Variants in ITGA3 observed in about 807,000 individuals in gnomAD.
ITGA3 encodes integrin subunit alpha 3, also known as integrin alpha-3.
ITGA3 carries 70 observed loss-of-function variants against 131.1 expected under a neutral mutation model. That is an observed-to-expected ratio of 0.53 (90% CI 0.44 to 0.65). The LOEUF (loss-of-function observed/expected upper bound fraction) is 0.65, where lower values mean the gene tolerates loss of function less well. Among genes scored for constraint, ITGA3 ranks in the 30% least tolerant of loss-of-function variants. The pLI, the probability that ITGA3 is intolerant of heterozygous loss-of-function variation, is 0.00. For synonymous variants in ITGA3, 537 were observed against 571.6 expected, an observed-to-expected ratio of 0.94 and a Z score of 0.86; for missense variants, 1,098 against 1,388.6, an observed-to-expected ratio of 0.79 and a Z score of 3.33.
At chr17:50,071,785 A>C in intron 6 of ITGA3, 1 of 619,056 alleles carries the variant, frequency 1.6e-6, no homozygotes, top group Non-Finnish European at 2.8e-6. Context: ...TGGCGTCTCC[A>C]TGACATATGT....
Position 50,089,266 on chromosome 17 carries a change from C to A in ITGA3, c.*188C>A, listed in dbSNP as rs377598451. The stretch of plus-strand genomic sequence containing the variant: ...GCAGACTCGGGACCAATACTACTGA[C>A]GTCCTCCCTGATCCCACCCCCTCCT... On this transcript the variant is annotated 3_prime_UTR_variant, in exon 26 of 26. Transcript: ENST00000320031. 4 of 1,612,414 alleles carry A rather than the reference C, an allele frequency of 2.5e-6. No individual in the cohort carries two copies. In the African/African-American group the frequency reaches 5.3e-5, roughly 22 times the overall value.
At chr17:50,068,408 G>T (rs1908437339) in intron 4 of ITGA3, 103 bp downstream of exon 4, 3 of 1,305,670 alleles carry the variant, frequency 2.3e-6, no homozygotes, top group Admixed American at 2.0e-5. Context: ...CTAGAAACAG[G>T]ACCTCATGCC....
chr17:50,056,600 A>G lies in ITGA3; in HGVS notation c.161A>G (p.Tyr54Cys). Residue 54 changes from tyrosine to cysteine, a missense_variant, in exon 1 of 26, where the codon TAC becomes TGC. Coordinates refer to ENST00000320031, the MANE Select transcript of ITGA3 (RefSeq NM_002204.4). This position sits in a 1 kb window ranked among gnomAD's most constrained non-coding sequence, Gnocchi z 5.6. ...EAGNPGSLFG[Y>C]SVALHRQTER... ...GGGAACCCGGGCAGCCTCTTCGGCT[A>G]CTCGGTCGCCCTCCATCGGCAGACA... 21 of 1,598,416 alleles carry G rather than the reference A, an allele frequency of 1.3e-5. No individual in the cohort carries two copies. Among genetic ancestry groups the G allele is most frequent in the Non-Finnish European group, 1.8e-5 (21 of 1,173,472 alleles).
chr17:50,059,898 C>G lies in ITGA3; in HGVS notation c.206+3253C>G, dbSNP rs1425201554. Among the ~76,000 whole-genome samples, 4 of 152,224 alleles carry G rather than the reference C, an allele frequency of 2.6e-5. No individual in the cohort carries two copies. The East Asian group carries it at 7.7e-4, about 29-fold the overall frequency. On this transcript the variant is annotated intron_variant, in intron 1 of 25. Transcript: ENST00000320031. Reference sequence around the variant, plus strand: ...TGAGGCTTAGCCAGGGCTCTTTTTCCTGTCCTTTCTCATTCTCTCTCTCCC... The same window carrying G: ...TGAGGCTTAGCCAGGGCTCTTTTTCGTGTCCTTTCTCATTCTCTCTCTCCC...
intron 18 of ITGA3, 56 bp downstream of exon 18, chr17:50,078,340 C>T (rs183493979): frequency 6.9e-7 from 1 of 1,454,018 alleles, no homozygotes; most frequent in Non-Finnish European, 9.6e-7. Context: ...AGCTAGGGTT[C>T]CCTATCCCCA....
chr17:50,088,726 G>A (rs76174824), intron 25 of ITGA3, among the ~76,000 whole-genome samples: 5,264 of 152,256 alleles, frequency 0.035, 284 homozygotes, highest in African/African-American at 0.12. Flanking sequence ...AGGGAAGGAG[G>A]GGAGCAGTAG....
At chr17:50,071,833 T>C in intron 6 of ITGA3, 153 bp from the exon 7 acceptor site, 1 of 679,682 alleles carries the variant, frequency 1.5e-6, no homozygotes, top group South Asian at 1.9e-5. Flanking sequence ...CTCCATGTCC[T>C]TCCCATGCAC....
Position 50,071,291 on chromosome 17 carries a change from A to G in ITGA3, c.752-20A>G. The G allele has an allele frequency of 6.2e-7, 1 of 1,610,258 alleles. No individual in the cohort carries two copies. Among genetic ancestry groups the G allele is most frequent in the African/African-American group, 1.3e-5 (1 of 74,974 alleles). On this transcript the variant is annotated intron_variant, in intron 5 of 25. Transcript: ENST00000320031. ...CGAAGTTGACTGGGACCTTGGTTGAACATCTTCCCTCTATCCCAGGGTACA... is the reference window on the plus strand; with the variant it reads ...CGAAGTTGACTGGGACCTTGGTTGAGCATCTTCCCTCTATCCCAGGGTACA...
chr17:50,079,053 T>C, intron 19 of ITGA3, 23 bp from the exon 20 acceptor site: 1 of 1,608,628 alleles, frequency 6.2e-7, no homozygotes, highest in Non-Finnish European at 8.5e-7. Flanking sequence ...AGATAATGAC[T>C]ATGACACATC....
In ITGA3 at chr17:50,081,694, T is replaced by C. The variant is rs771863272; in HGVS notation, c.2919+286T>C. Among the ~76,000 whole-genome samples the C allele has an allele frequency of 3.5e-4, 53 of 152,114 alleles. 1 individual carries two copies. The highest frequency in any genetic ancestry group is 7.6e-4 in the Non-Finnish European group (52 of 68,010). On this transcript the variant is annotated intron_variant, in intron 23 of 25. Coordinates refer to ENST00000320031, the MANE Select transcript of ITGA3 (RefSeq NM_002204.4). ...TAGCTTCCTTGATCTGCACAACGCC[T>C]CCATGAAGAGTAGGGCTGGGACTGC...
intron 5 of ITGA3, 39 bp downstream of exon 5, chr17:50,070,969 G>A: frequency 7.7e-7 from 1 of 1,296,686 alleles, no homozygotes; most frequent in Non-Finnish European, 1.1e-6. Context: ...TGGTAGAGGG[G>A]AAGGGGGCTT....
chr17:50,088,827 G>A (rs1336143363), intron 25 of ITGA3, among the ~76,000 whole-genome samples: 1 of 152,136 alleles, frequency 6.6e-6, no homozygotes, highest in Non-Finnish European at 1.5e-5. Flanking sequence ...GGTCAGGGTA[G>A]ACTGCCCAGT....
Position 50,071,523 on chromosome 17 carries a change from G to T in ITGA3, c.959+5G>T. ...GGCAGACCTGAACAATGATGGGTGA[G>T]AATCTAGGGACATCCTCTGGGGCCA... On this transcript the variant is annotated splice_donor_5th_base_variant and intron_variant, in intron 6 of 25. Transcript: ENST00000320031. The T allele has an allele frequency of 6.3e-6, 10 of 1,599,942 alleles. No individual in the cohort carries two copies. The highest frequency in any genetic ancestry group is 8.5e-6 in the Non-Finnish European group (10 of 1,176,428).
chr17:50,081,361 C>T lies in ITGA3; in HGVS notation c.2872C>T (p.Leu958Phe). 6.3e-7 allele frequency: 1 copy of T among 1,592,044 alleles called. No individual in the cohort carries two copies. Residue 958 changes from leucine (L) to phenylalanine (F), a missense_variant, in exon 23 of 26, where the codon CTC becomes TTC. This residue lies in a region of ITGA3 where 699 missense variants were observed against 829.2 expected (regional missense o/e 0.84). Coordinates refer to ENST00000320031, the MANE Select transcript of ITGA3 (RefSeq NM_002204.4). ...GGTAAATGGCTGGGCTACCCTATTC[C>T]TCCGAACCAGCATCCCCACCATCAA... The part of the protein sequence containing the change: ...VRVNGWATLF[L>F]RTSIPTINME...
At position 50,056,661 on chromosome 17, in the gene ITGA3, G is replaced by A. The variant is rs757986965; in HGVS notation, c.206+16G>A. On this transcript the variant is annotated intron_variant, in intron 1 of 25. Coordinates refer to ENST00000320031, the MANE Select transcript of ITGA3 (RefSeq NM_002204.4). The surrounding 1 kb of genome is among the most constrained non-coding windows in gnomAD (Gnocchi z 5.6). ...AGCGCTACCTGTAAGTGAAGCTGGAGGGTGTGGGGTGGGAGCGAGAGAGTG... is the reference window on the plus strand; with the variant it reads ...AGCGCTACCTGTAAGTGAAGCTGGAAGGTGTGGGGTGGGAGCGAGAGAGTG... 4 of 1,592,400 alleles carry A rather than the reference G, an allele frequency of 2.5e-6. No individual in the cohort carries two copies. Among genetic ancestry groups the A allele is most frequent in the African/African-American group, 2.7e-5 (2 of 74,122 alleles).
chr17:50,079,219 A>T lies in ITGA3; in HGVS notation c.2544A>T (p.Pro848=). 1.9e-6 allele frequency: 3 copies of T among 1,613,970 alleles called. No individual in the cohort carries two copies. The highest frequency in any genetic ancestry group is 2.5e-6 in the Non-Finnish European group (3 of 1,179,974). ...GCAATGGGTCCTGGCCCTGCCGACC[A>T]CCTGGAGACCTTATCAACCCTCTCA... ...VHGNGSWPCR[P]PGDLINPLNL... The change falls in exon 20 of 26, where the codon CCA becomes CCT. Residue 848 remains proline, a synonymous_variant. Transcript: ENST00000320031.
chr17:50,068,412 T>G, intron 4 of ITGA3, 107 bp downstream of exon 4: 2 of 1,250,202 alleles, frequency 1.6e-6, no homozygotes, highest in South Asian at 2.8e-5. Context: ...AAACAGGACC[T>G]CATGCCAGTA....
chr17:50,075,169 T>C (rs2144291027), intron 10 of ITGA3, among the ~76,000 whole-genome samples: 1 of 152,132 alleles, frequency 6.6e-6, no homozygotes, highest in Admixed American at 6.5e-5. Context: ...CCGACCTAGG[T>C]TCAAGACTGG....
chr17:50,056,693 C>T lies in ITGA3; in HGVS notation c.206+48C>T, dbSNP rs1382006252. On this transcript the variant is annotated intron_variant, in intron 1 of 25. Transcript: ENST00000320031. The surrounding 1 kb of genome is among the most constrained non-coding windows in gnomAD (Gnocchi z 5.6). ...GGGTGGGAGCGAGAGAGTGTGCGAG[C>T]GCGGGATGCGGGTCCGGAGCTGAGT... 1.3e-6 allele frequency: 2 copies of T among 1,536,660 alleles called. No individual in the cohort carries two copies. The highest frequency in any genetic ancestry group is 1.2e-5 in the South Asian group (1 of 82,806).
Sources: allele counts gnomAD v4.1 joint callset (sites outside exome capture counted in the v4.1 genomes callset), GRCh38; gene constraint gnomAD v4.1.1; regional missense constraint gnomAD v4.1.1; non-coding constraint Gnocchi (gnomAD v3.1); transcripts MANE v1.5; gene names NCBI Gene and HGNC (gene_info 2026-07-23, HGNC 2026-07-21).